Variants in PRELID2 observed in about 807,000 individuals in gnomAD.
PRELID2 encodes the protein PRELI domain containing 2.
PRELID2 carries 25 observed loss-of-function variants against 28.4 expected under a neutral mutation model. The ratio of observed to expected loss-of-function variants is 0.88; its 90% CI spans 0.64 to 1.23. PRELID2 has a LOEUF of 1.23. Ranked by LOEUF, PRELID2 falls within the 50% of genes most tolerant of loss-of-function variation. PRELID2 has a pLI of 0.00. For synonymous variants in PRELID2, 76 were observed against 71.6 expected, an observed-to-expected ratio of 1.06 and a Z score of -0.31; for missense variants, 201 against 214.4, an observed-to-expected ratio of 0.94 and a Z score of 0.39.
intron 4 of PRELID2, among the ~76,000 whole-genome samples, chr5:145,796,978 A>G (rs1752798580): frequency 6.6e-6 from 1 of 152,156 alleles, no homozygotes; most frequent in Admixed American, 6.6e-5. Context: ...ACTAAATGTT[A>G]GCTACTATTA....
chr5:145,580,958 G>A (rs1753102549), intron 1 of PRELID2, among the ~76,000 whole-genome samples: 1 of 151,980 alleles, frequency 6.6e-6, no homozygotes, highest in Non-Finnish European at 1.5e-5. Flanking sequence ...AATATTCTGA[G>A]TACGAATTAC....
At chr5:145,604,420 C>T (rs1057244670) in intron 1 of PRELID2, among the ~76,000 whole-genome samples, 2 of 152,014 alleles carry the variant, frequency 1.3e-5, no homozygotes, top group Non-Finnish European at 2.9e-5. Context: ...CTTGTTCTTT[C>T]TTATGGCTGT....
chr5:145,674,582 A>C (rs1175843818), intron 1 of PRELID2, among the ~76,000 whole-genome samples: 1 of 152,214 alleles, frequency 6.6e-6, no homozygotes, highest in East Asian at 1.9e-4. Context: ...AGTCAAATGG[A>C]AAATGATCAG....
At chr5:145,708,655 T>C (rs1755611032) in intron 1 of PRELID2, among the ~76,000 whole-genome samples, 1 of 152,188 alleles carries the variant, frequency 6.6e-6, no homozygotes, top group African/African-American at 2.4e-5. Context: ...AGCTAGAAGA[T>C]GTGTTTTCCC....
chr5:145,698,687 T>A (rs1472373858), intron 1 of PRELID2, among the ~76,000 whole-genome samples: 1 of 152,140 alleles, frequency 6.6e-6, no homozygotes, highest in Non-Finnish European at 1.5e-5. Flanking sequence ...ATTCTAATGA[T>A]CTAATCACCT....
chr5:145,247,859 C>T, the PRELID2 span, among the ~76,000 whole-genome samples: 1 of 152,026 alleles, frequency 6.6e-6, no homozygotes, highest in Non-Finnish European at 1.5e-5. Flanking sequence ...TCACTCAGTA[C>T]GTTTTTATCA....
intron 1 of PRELID2, among the ~76,000 whole-genome samples, chr5:145,544,226 C>G (rs1752767894): frequency 6.6e-6 from 1 of 151,988 alleles, no homozygotes; most frequent in South Asian, 2.1e-4. Context: ...GTACATGAAT[C>G]AAGCTCACTC....
At chr5:145,446,632 A>C in the PRELID2 span, among the ~76,000 whole-genome samples, 3 of 152,176 alleles carry the variant, frequency 2.0e-5, no homozygotes, top group Non-Finnish European at 4.4e-5. Flanking sequence ...TCGGACATAG[A>C]CCAACAGGGA....
At chr5:145,818,452 G>A (rs565693014) in intron 3 of PRELID2, among the ~76,000 whole-genome samples, 1 of 152,110 alleles carries the variant, frequency 6.6e-6, no homozygotes, top group Non-Finnish European at 1.5e-5. Context: ...TTTAAACTCT[G>A]TCCAATACCT....
the PRELID2 span, among the ~76,000 whole-genome samples, chr5:145,347,747 T>C: frequency 2.0e-5 from 3 of 152,086 alleles, no homozygotes; most frequent in African/African-American, 4.8e-5. Context: ...AAATATTCTG[T>C]ATGATACTGT....
At chr5:145,575,133 C>A (rs11953354) in intron 1 of PRELID2, among the ~76,000 whole-genome samples, 5,305 of 152,220 alleles carry the variant, frequency 0.035, 283 homozygotes, top group African/African-American at 0.12. Context: ...GCTGCTGACT[C>A]ATTAGGCCTG....
intron 1 of PRELID2, among the ~76,000 whole-genome samples, chr5:145,507,207 A>G (rs1041103602): frequency 1.2e-4 from 18 of 152,088 alleles, no homozygotes; most frequent in African/African-American, 3.6e-4. Context: ...TCAAATATAA[A>G]TAAATGTCTG....
At chr5:145,249,916 TCC>T in the PRELID2 span, among the ~76,000 whole-genome samples, 2 of 151,042 alleles carry the variant, frequency 1.3e-5, no homozygotes, top group East Asian at 1.9e-4. Flanking sequence ...TCCATGCCTC[TCC>T]CTCTCTCTCT....
chr5:145,433,606 G>C, the PRELID2 span, among the ~76,000 whole-genome samples: 1 of 151,988 alleles, frequency 6.6e-6, no homozygotes, highest in Non-Finnish European at 1.5e-5. Flanking sequence ...CAGTCCCTCA[G>C]AGGTACCAGC....
the PRELID2 span, among the ~76,000 whole-genome samples, chr5:145,236,925 T>C: frequency 7.2e-5 from 11 of 152,172 alleles, no homozygotes; most frequent in Non-Finnish European, 1.6e-4. Context: ...CCTCCATAAT[T>C]GAGACCTGTG....
chr5:145,268,522 C>T, the PRELID2 span, among the ~76,000 whole-genome samples: 2 of 152,108 alleles, frequency 1.3e-5, no homozygotes, highest in African/African-American at 4.8e-5. Context: ...AGTACTCTCT[C>T]TTTAACACTG....
At chr5:145,337,314 C>T in the PRELID2 span, among the ~76,000 whole-genome samples, 1 of 151,860 alleles carries the variant, frequency 6.6e-6, no homozygotes, top group Admixed American at 6.6e-5. Context: ...AAACCTCTAG[C>T]TAGACTAACC....
chr5:145,229,058 G>A, the PRELID2 span: 1 of 1,589,322 alleles, frequency 6.3e-7, no homozygotes, highest in Non-Finnish European at 8.6e-7. Flanking sequence ...CCAGCGCACT[G>A]TATGAGGACC....
the PRELID2 span, chr5:145,229,260 C>A: frequency 1.3e-6 from 1 of 761,208 alleles, no homozygotes; most frequent in South Asian, 1.3e-5. Context: ...TGGAGGATGC[C>A]CGAGTTCTAC....
Sources: gnomAD v4.1 joint callset for allele counts (sites outside exome capture counted in the v4.1 genomes callset) on GRCh38, gnomAD v4.1.1 for gene constraint, MANE v1.5 for transcripts, NCBI Gene and HGNC (gene_info 2026-07-23, HGNC 2026-07-21) for gene names.